The following PRKAG3 variants were observed in gnomAD, a reference collection of about 807,000 sequenced individuals.
PRKAG3 encodes the protein 5'-AMP-activated protein kinase subunit gamma-3.
In PRKAG3, 39 loss-of-function variants were observed where a neutral mutation model predicts 56.5. That is an observed-to-expected ratio of 0.69 (90% CI 0.53 to 0.90). The LOEUF is 0.90. PRKAG3 is among the 40% of genes least tolerant of loss of function. The pLI is 0.00. For missense variants in PRKAG3, 628 were observed against 627.5 expected, an observed-to-expected ratio of 1.00 and a Z score of -0.01; for synonymous variants, 243 against 250.1, an observed-to-expected ratio of 0.97 and a Z score of 0.27.
chr2:218,822,605 GCT>G (rs1943861774), downstream of PRKAG3: 3 of 152,302 alleles, frequency 2.0e-5, no homozygotes, highest in African/African-American at 7.2e-5. Context: ...TAAGAACATG[GCT>G]CACTGCGAGA....
At position 218,827,243 on chromosome 2, in the gene PRKAG3, T is replaced by TCCC; in HGVS notation, c.1002+3_1002+4insGGG. 6.2e-7 allele frequency: 1 copy of TCCC among 1,614,146 alleles called. No homozygotes were observed. Among genetic ancestry groups the TCCC allele is most frequent in the Non-Finnish European group, 8.5e-7 (1 of 1,180,004 alleles). On this transcript the variant is annotated splice_donor_region_variant and intron_variant, in intron 9 of 12. Transcript: ENST00000529249. The surrounding 1 kb of genome is among the most constrained non-coding windows in gnomAD (Gnocchi z 5.3). ...CCCTTCCTCCCACCTGGGCCCAGGC[T>TCCC]TACAAAGATGTGCAGGAACTTGAGC...
Position 218,827,712 on chromosome 2 carries a change from C to T in PRKAG3, c.821-83G>A. ...CCCAGGCAGCTTCCCTTCCGTCAGGCACCCGAGGCTCCTATTGTCCCTCCC... is the reference window on the plus strand; with the variant it reads ...CCCAGGCAGCTTCCCTTCCGTCAGGTACCCGAGGCTCCTATTGTCCCTCCC... On this transcript the variant is annotated intron_variant, in intron 7 of 12. Coordinates refer to ENST00000529249, the Ensembl canonical transcript of PRKAG3. This position sits in a 1 kb window ranked among gnomAD's most constrained non-coding sequence, Gnocchi z 5.3. 6.4e-7 allele frequency: 1 copy of T among 1,568,120 alleles called. No homozygotes were observed. Among genetic ancestry groups the T allele is most frequent in the Non-Finnish European group, 8.8e-7 (1 of 1,138,696 alleles).
chr2:218,831,631 CA>C (rs1240183351), intron 1 of PRKAG3, 106 bp downstream of exon 1: 1 of 1,439,326 alleles, frequency 6.9e-7, no homozygotes, highest in East Asian at 2.5e-5. Flanking sequence ...AAATCCAGAC[CA>C]AACACACACC....
At chr2:218,830,405 G>C (rs546205236) in intron 3 of PRKAG3, 24 bp from the exon 4 acceptor site, 1 of 1,598,550 alleles carries the variant, frequency 6.3e-7, no homozygotes, top group African/African-American at 1.3e-5. Flanking sequence ...GAGGGGAAGA[G>C]GACAGTAACT....
intron 10 of PRKAG3, among the ~76,000 whole-genome samples, chr2:218,825,310 C>T (rs564205673): frequency 7.0e-6 from 1 of 142,198 alleles, no homozygotes; most frequent in South Asian, 2.2e-4. Context: ...CATTCTAGCC[C>T]AGGCGACAGA....
exon 3 of PRKAG3, chr2:218,830,769 C>T: frequency 6.2e-6 from 10 of 1,612,690 alleles, no homozygotes; most frequent in Admixed American, 1.7e-5. Flanking sequence ...TGGTGGCTCC[C>T]CTTCCTCCAC....
Position 218,827,325 on chromosome 2 carries a change from C to G in PRKAG3, c.924G>C (p.Leu308=). 2.5e-6 allele frequency: 4 copies of G among 1,614,158 alleles called. No individual in the cohort carries two copies. The Middle Eastern group carries it at 6.6e-4, about 266-fold the overall frequency. Residue 308 remains leucine (L), a synonymous_variant, in exon 9 of 13, where the codon CTG becomes CTC. Coordinates refer to ENST00000529249, the Ensembl canonical transcript of PRKAG3. This position sits in a 1 kb window ranked among gnomAD's most constrained non-coding sequence, Gnocchi z 5.3. Reference sequence around the variant, plus strand: ...TGCCTGACACCGGGTCAAGAACAGGCAGGCGATGGATCCGGTTCTTGATGA... The same window carrying G: ...TGCCTGACACCGGGTCAAGAACAGGGAGGCGATGGATCCGGTTCTTGATGA...
At chr2:218,822,933 T>G, downstream of PRKAG3, 1 of 985,496 alleles carries the variant, frequency 1.0e-6, no homozygotes, top group Non-Finnish European at 1.2e-6. Context: ...GGCCCTGGGG[T>G]AATCCTAGTG....
chr2:218,830,986 G>A, intron 2 of PRKAG3, 85 bp from the exon 3 acceptor site: 1 of 1,482,860 alleles, frequency 6.7e-7, no homozygotes, highest in Non-Finnish European at 9.4e-7. Flanking sequence ...TTTAGGATTT[G>A]CAAGCTTCCA....
chr2:218,823,740 G>C (rs1246821282), exon 13 of PRKAG3: 1 of 1,613,596 alleles, frequency 6.2e-7, no homozygotes, highest in Non-Finnish European at 8.5e-7. Context: ...CAGGTGGCTT[G>C]GGATTGAGGA....
chr2:218,827,258 G>T lies in PRKAG3; in HGVS notation c.991C>A (p.Leu331Met), dbSNP rs747360681. The stretch of plus-strand genomic sequence containing the variant: ...GGGCCCAGGCTTACAAAGATGTGCA[G>T]GAACTTGAGCAGGCGTTTGTGTGTG... The change falls in exon 9 of 13, where the codon CTG becomes ATG. Residue 331 changes from leucine to methionine, a missense_variant. Transcript: ENST00000529249. The surrounding 1 kb of genome is among the most constrained non-coding windows in gnomAD (Gnocchi z 5.3). The T allele has an allele frequency of 2.5e-6, 4 of 1,614,194 alleles. No homozygotes were observed. The South Asian group carries it at 4.4e-5, about 18-fold the overall frequency.
At position 218,828,500 on chromosome 2, in the gene PRKAG3, C is replaced by G. The variant is rs372250711; in HGVS notation, c.715+19G>C. The G allele has an allele frequency of 1.1e-5, 17 of 1,606,946 alleles. No individual in the cohort carries two copies. The African/African-American group carries it at 2.1e-4, about 20-fold the overall frequency. On this transcript the variant is annotated intron_variant, in intron 5 of 12. Transcript: ENST00000529249. ...CCTCACCTCCTCCATCTCCCTTCACCTCCCCAGCCTCTCCTCACCCACAAA... is the reference window on the plus strand; with the variant it reads ...CCTCACCTCCTCCATCTCCCTTCACGTCCCCAGCCTCTCCTCACCCACAAA...
At chr2:218,823,906 G>C in intron 12 of PRKAG3, 28 bp from the exon 13 acceptor site, 1 of 1,601,582 alleles carries the variant, frequency 6.2e-7, no homozygotes. Flanking sequence ...TCAGTGAGGG[G>C]GCAGAGCCAT....
chr2:218,825,335 C>CAA (rs3078328), intron 10 of PRKAG3, among the ~76,000 whole-genome samples: 41 of 71,102 alleles, frequency 5.8e-4, no homozygotes, highest in African/African-American at 9.3e-4. Context: ...GACTCTGTCT[C>CAA]AAAAAAAAAA....
Position 218,827,198 on chromosome 2 carries a change from G to A in PRKAG3, c.1002+49C>T, listed in dbSNP as rs1575211616. ...GGGCTGAAGACTCCTCAGGCCCTCT[G>A]ATCACCTGCCCAGGTCTCCCCCTTC... On this transcript the variant is annotated intron_variant, in intron 9 of 12. Transcript: ENST00000529249. This position sits in a 1 kb window ranked among gnomAD's most constrained non-coding sequence, Gnocchi z 5.3. 1 of 1,613,900 alleles carries A rather than the reference G, an allele frequency of 6.2e-7. No homozygotes were observed. Among genetic ancestry groups the A allele is most frequent in the Non-Finnish European group, 8.5e-7 (1 of 1,180,000 alleles).
At chr2:218,831,694 T>C (rs1944021778) in intron 1 of PRKAG3, 44 bp downstream of exon 1, 5 of 1,598,942 alleles carry the variant, frequency 3.1e-6, no homozygotes, top group Non-Finnish European at 4.3e-6. Flanking sequence ...CTCAATCTTC[T>C]GGCCTCAGCT....
At chr2:218,825,365 G>A (rs1177171391) in intron 10 of PRKAG3, among the ~76,000 whole-genome samples, 5 of 151,166 alleles carry the variant, frequency 3.3e-5, no homozygotes, top group Admixed American at 6.6e-5. Flanking sequence ...ATTCTTGGCC[G>A]GTCGCGGTGG....
chr2:218,824,021 C>T (rs1466548772), intron 12 of PRKAG3, 143 bp from the exon 13 acceptor site: 18 of 1,186,110 alleles, frequency 1.5e-5, no homozygotes, highest in South Asian at 3.9e-5. Flanking sequence ...ATGGTGTGAC[C>T]GGCCTAAGGT....
At chr2:218,830,680 C>T in intron 3 of PRKAG3, 66 bp downstream of exon 3, 2 of 1,566,668 alleles carry the variant, frequency 1.3e-6, no homozygotes, top group Non-Finnish European at 1.7e-6. Flanking sequence ...AGAGACCAGA[C>T]CCAGGCTCCT....
Sources: gnomAD v4.1 joint callset for allele counts (sites outside exome capture counted in the v4.1 genomes callset) on GRCh38, gnomAD v4.1.1 for gene constraint, Gnocchi (gnomAD v3.1) non-coding constraint, MANE v1.5 for transcripts, NCBI Gene and HGNC (gene_info 2026-07-23, HGNC 2026-07-21) for gene names.